Variants in CHD6 observed in about 807,000 individuals in gnomAD.
The protein encoded by CHD6 is ATP-dependent chromatin remodeler CHD6.
In CHD6, 50 loss-of-function variants were observed where a neutral mutation model predicts 276.9. The ratio of observed to expected loss-of-function variants is 0.18; its 90% CI spans 0.14 to 0.23. The LOEUF (loss-of-function observed/expected upper bound fraction) is 0.23. Among genes scored for constraint, CHD6 ranks in the 10% least tolerant of loss-of-function variants. The pLI, the probability that CHD6 is intolerant of heterozygous loss-of-function variation, is 1.00. For missense variants in CHD6, 2,564 were observed against 3,365.8 expected (o/e 0.76, Z 5.89); for synonymous variants, 1,173 against 1,229.3 (o/e 0.95, Z 0.96).
At chr20:41,588,976 C>T (rs561973755) in intron 1 of CHD6, among the ~76,000 whole-genome samples, 130 of 152,264 alleles carry the variant, frequency 8.5e-4, no homozygotes, top group East Asian at 1.7e-3. Flanking sequence ...CAATAAAATA[C>T]TGGCAAACCG....
At position 41,403,356 on chromosome 20, in the gene CHD6, G is replaced by C. The variant is rs1024841375; in HGVS notation, c.*1237C>G. 1.1e-5 allele frequency: 12 copies of C among 1,062,514 alleles called. No homozygotes were observed. The East Asian group carries it at 5.1e-4, about 45-fold the overall frequency. 65.8% of individuals were successfully genotyped at this position (1,062,514 alleles called of 1,614,324 possible). On this transcript the variant is annotated 3_prime_UTR_variant, in exon 37 of 37. Coordinates refer to ENST00000373233, the MANE Select transcript of CHD6 (RefSeq NM_032221.5). ...CATCAGAAGGGACGTTAACATGAAG[G>C]TGAAAGGACATGGGGAAGTGCTGCT...
At chr20:41,559,686 C>T (rs2045280866) in intron 1 of CHD6, among the ~76,000 whole-genome samples, 1 of 152,264 alleles carries the variant, frequency 6.6e-6, no homozygotes, top group African/African-American at 2.4e-5. Flanking sequence ...CCTGAGTTTT[C>T]TACTCAACTC....
chr20:41,466,509 G>T (rs533479674), intron 17 of CHD6, among the ~76,000 whole-genome samples: 1 of 152,240 alleles, frequency 6.6e-6, no homozygotes, highest in African/African-American at 2.4e-5. Flanking sequence ...CCTTCTTTCT[G>T]TATCTTTAGC....
chr20:41,556,299 T>G (rs974973379), intron 1 of CHD6, among the ~76,000 whole-genome samples: 2 of 110,166 alleles, frequency 1.8e-5, no homozygotes, highest in African/African-American at 4.7e-5. Context: ...AGGGAGACCG[T>G]GGGGAGACGG....
intron 3 of CHD6, among the ~76,000 whole-genome samples, chr20:41,519,813 A>C (rs993799203): frequency 1.3e-5 from 2 of 152,230 alleles, no homozygotes; most frequent in Admixed American, 6.5e-5. Context: ...CAAAAGCCAA[A>C]ATTGACAAAT....
chr20:41,531,495 C>T (rs1208709673), intron 3 of CHD6, among the ~76,000 whole-genome samples: 1 of 152,230 alleles, frequency 6.6e-6, no homozygotes, highest in African/African-American at 2.4e-5. Flanking sequence ...ACTCCATCCA[C>T]ACACTGGAGA....
chr20:41,562,869 G>A (rs2045316773), intron 1 of CHD6, among the ~76,000 whole-genome samples: 2 of 152,138 alleles, frequency 1.3e-5, no homozygotes, highest in East Asian at 1.9e-4. Context: ...CTTACACACA[G>A]CTGTAAAGCT....
chr20:41,406,750 C>T (rs1338446608), intron 36 of CHD6, among the ~76,000 whole-genome samples: 1 of 152,224 alleles, frequency 6.6e-6, no homozygotes, highest in Admixed American at 6.5e-5. Flanking sequence ...ATGCCTTTCT[C>T]TCTCTCGACT....
At chr20:41,494,354 A>G (rs1282476949) in intron 8 of CHD6, among the ~76,000 whole-genome samples, 1 of 152,190 alleles carries the variant, frequency 6.6e-6, no homozygotes, top group African/African-American at 2.4e-5. Context: ...GGTGCTGACA[A>G]TGTTCTATTT....
intron 3 of CHD6, among the ~76,000 whole-genome samples, chr20:41,524,357 C>A (rs2044476351): frequency 6.6e-6 from 1 of 152,154 alleles, no homozygotes; most frequent in South Asian, 2.1e-4. Flanking sequence ...AAACTGTGAA[C>A]TAAATCTGCC....
At chr20:41,492,567 A>T (rs2043581123) in intron 10 of CHD6, among the ~76,000 whole-genome samples, 1 of 152,240 alleles carries the variant, frequency 6.6e-6, no homozygotes, top group Admixed American at 6.5e-5. Context: ...GAAACTGATC[A>T]TTCCAGCCTA....
rs1601126362 is a variant in CHD6 at position 41,547,634 on chromosome 20, T to C, written c.33+3671A>G. ...CGATTCAGAACAGACAGGCCCAGAT[T>C]GAGGTGGTACCTTCTGCCTCTGCCC... On this transcript the variant is annotated intron_variant, in intron 2 of 36. Transcript: ENST00000373233. 3 of 644,674 alleles carry C rather than the reference T, an allele frequency of 4.7e-6. No individual in the cohort carries two copies. The East Asian group carries it at 1.3e-4, about 28-fold the overall frequency. 39.9% of individuals were successfully genotyped at this position (644,674 alleles called of 1,614,324 possible).
chr20:41,578,561 T>C (rs964039179), intron 1 of CHD6, among the ~76,000 whole-genome samples: 1 of 151,832 alleles, frequency 6.6e-6, no homozygotes, highest in Non-Finnish European at 1.5e-5. Context: ...GCGCCTATAA[T>C]CCCAGCTACT....
chr20:41,535,774 G>A (rs1311373554), intron 2 of CHD6, among the ~76,000 whole-genome samples: 1 of 152,186 alleles, frequency 6.6e-6, no homozygotes, highest in Non-Finnish European at 1.5e-5. Context: ...GCTGAGGCAG[G>A]AGGATCACTT....
chr20:41,573,636 C>T (rs1479895061), intron 1 of CHD6, among the ~76,000 whole-genome samples: 1 of 152,102 alleles, frequency 6.6e-6, no homozygotes, highest in African/African-American at 2.4e-5. Flanking sequence ...GAAGGTAACA[C>T]TAGCACACAA....
At chr20:41,441,554 T>C (rs1004081496) in intron 25 of CHD6, among the ~76,000 whole-genome samples, 7 of 152,100 alleles carry the variant, frequency 4.6e-5, no homozygotes, top group African/African-American at 7.2e-5. Context: ...TGTCCAGGAG[T>C]ATACCACCTT....
intron 1 of CHD6, among the ~76,000 whole-genome samples, chr20:41,562,019 C>T (rs1470505752): frequency 6.6e-6 from 1 of 151,836 alleles, no homozygotes; most frequent in Non-Finnish European, 1.5e-5. Flanking sequence ...TAATTCCCTC[C>T]CTATTGTTTT....
At chr20:41,430,164 G>A (rs1249416327) in intron 27 of CHD6, among the ~76,000 whole-genome samples, 2 of 152,210 alleles carry the variant, frequency 1.3e-5, no homozygotes, top group Non-Finnish European at 2.9e-5. Flanking sequence ...CAGACTAGAA[G>A]TAAAGGTGAA....
At chr20:41,502,425 A>G (rs943269360) in intron 5 of CHD6, among the ~76,000 whole-genome samples, 5 of 152,244 alleles carry the variant, frequency 3.3e-5, no homozygotes, top group African/African-American at 1.2e-4. Flanking sequence ...CTACATTTCA[A>G]GTGCTCAATA....
Sources: allele counts gnomAD v4.1 joint callset (sites outside exome capture counted in the v4.1 genomes callset), GRCh38; gene constraint gnomAD v4.1.1; transcripts MANE v1.5; gene names NCBI Gene and HGNC (gene_info 2026-07-23, HGNC 2026-07-21).